The following SOS2 variants were observed in gnomAD, a reference collection of about 807,000 sequenced individuals.
SOS2 encodes the protein son of sevenless homolog 2.
Under a neutral mutation model 148.2 loss-of-function variants are expected in SOS2, and 65 were observed. That is an observed-to-expected ratio of 0.44 (90% CI 0.36 to 0.54). The LOEUF is 0.54. Among genes scored for constraint, SOS2 ranks in the 20% least tolerant of loss-of-function variants. SOS2 has a pLI of 0.00. For missense variants in SOS2, 1,341 were observed against 1,590.2 expected (o/e 0.84, Z 2.67); for synonymous variants, 539 against 537.1 (o/e 1.00, Z -0.05).
At chr14:50,221,693 C>T (rs906441395) in intron 1 of SOS2, among the ~76,000 whole-genome samples, 5 of 152,056 alleles carry the variant, frequency 3.3e-5, no homozygotes, top group African/African-American at 1.2e-4. Flanking sequence ...AAAAAATTAG[C>T]CAAGTGTGGT....
chr14:50,135,540 ATAAT>A (rs1884048171), intron 18 of SOS2, among the ~76,000 whole-genome samples: 1 of 148,438 alleles, frequency 6.7e-6, no homozygotes, highest in South Asian at 2.1e-4. Context: ...GTATTTATAT[ATAAT>A]TATTAATAAT....
rs367829144 is a variant in SOS2 at position 50,220,405 on chromosome 14, C to CAAAAAAAAAA, written c.87+10782_87+10791dup. Among the ~76,000 whole-genome samples, 24 of 30,444 alleles carry CAAAAAAAAAA rather than the reference C, an allele frequency of 7.9e-4. 7 individuals are homozygous for CAAAAAAAAAA. The highest frequency in any genetic ancestry group is 9.9e-4 in the Non-Finnish European group (18 of 18,224). 20.0% of individuals were successfully genotyped at this position (30,444 alleles called of 152,430 possible). A position where few individuals can be genotyped will look rare whatever the true frequency, so the allele number is the denominator to read the frequency against. On this transcript the variant is annotated intron_variant, in intron 1 of 22. Coordinates refer to ENST00000216373, the MANE Select transcript of SOS2 (RefSeq NM_006939.4). The stretch of plus-strand genomic sequence containing the variant: ...TGGGCGACAGAGCGAGACTCCATCT[C>CAAAAAAAAAA]AAAAAAAAAAAAAAAAAGAACAGAC...
In SOS2 at chr14:50,231,380, G is replaced by A. The variant is rs1566491108; in HGVS notation, c.-97C>T. 3.4e-6 allele frequency: 1 copy of A among 294,740 alleles called. No homozygotes were observed. The highest frequency in any genetic ancestry group is 5.1e-6 in the Non-Finnish European group (1 of 197,630). 18.3% of individuals were successfully genotyped at this position (294,740 alleles called of 1,614,324 possible). A position where few individuals can be genotyped will look rare whatever the true frequency, so the allele number is the denominator to read the frequency against. On this transcript the variant is annotated 5_prime_UTR_variant, in exon 1 of 23. Coordinates refer to ENST00000216373, the MANE Select transcript of SOS2 (RefSeq NM_006939.4). ...GGGCCGCCTCGCCTCGCCGGCGGCC[G>A]CCGCCTCCCGCCCGGGCCGAGGCTA...
intron 21 of SOS2, among the ~76,000 whole-genome samples, chr14:50,121,116 A>G (rs1452475411): frequency 6.6e-6 from 1 of 152,178 alleles, no homozygotes; most frequent in Non-Finnish European, 1.5e-5. Flanking sequence ...GGAACCCATA[A>G]GGTAGTGTTA....
intron 21 of SOS2, among the ~76,000 whole-genome samples, chr14:50,122,813 T>C (rs1253793344): frequency 1.3e-5 from 2 of 152,252 alleles, no homozygotes; most frequent in East Asian, 1.9e-4. Context: ...CTGGTGAATA[T>C]AGCAGAATTT....
At chr14:50,227,435 CAG>C (rs1239802505) in intron 1 of SOS2, among the ~76,000 whole-genome samples, 2 of 149,242 alleles carry the variant, frequency 1.3e-5, no homozygotes, top group African/African-American at 2.5e-5. Context: ...TTTTTTGAGA[CAG>C]AGTCTTACTC....
Position 50,180,648 on chromosome 14 carries a change from T to C in SOS2, c.893A>G (p.Gln298Arg). ...QAFDPYETLS[Q>R]DILSPEFHEH... ...ATGAAACTCTGGTGAAAGAATGTCCTGTGATAATGTTTCATAAGGATCAAA... is the reference window on the plus strand; with the variant it reads ...ATGAAACTCTGGTGAAAGAATGTCCCGTGATAATGTTTCATAAGGATCAAA... Residue 298 changes from glutamine to arginine, a missense_variant, in exon 7 of 23, where the codon CAG becomes CGG. Gln to Arg is a conservative substitution (Grantham distance 43, BLOSUM62 1). Transcript: ENST00000216373. The C allele has an allele frequency of 6.2e-7, 1 of 1,602,346 alleles. No homozygotes were observed.
intron 14 of SOS2, among the ~76,000 whole-genome samples, chr14:50,148,959 A>G (rs1884579301): frequency 6.6e-6 from 1 of 152,134 alleles, no homozygotes; most frequent in Admixed American, 6.6e-5. Flanking sequence ...GCAGTGGCAC[A>G]ATCTTGGCTC....
In SOS2 at chr14:50,190,509, T is replaced by C. The variant is rs550076767; in HGVS notation, c.511-1809A>G. Among the ~76,000 whole-genome samples the C allele has an allele frequency of 3.9e-5, 6 of 152,318 alleles. No individual in the cohort carries two copies. The South Asian group carries it at 1.0e-3, about 26-fold the overall frequency. On this transcript the variant is annotated intron_variant, in intron 4 of 22. Transcript: ENST00000216373. Reference sequence around the variant, plus strand: ...TAAATCTGGTCAGCTCTCTCCATCTTACCGCAGGCTTTAGATTACTCCACT... The same window carrying C: ...TAAATCTGGTCAGCTCTCTCCATCTCACCGCAGGCTTTAGATTACTCCACT...
rs1883375628 is a variant in SOS2, at chr14:50,118,422, T to C, written c.3921A>G (p.Pro1307=). The C allele has an allele frequency of 3.1e-6, 5 of 1,614,164 alleles. No individual in the cohort carries two copies. The highest frequency in any genetic ancestry group is 4.2e-6 in the Non-Finnish European group (5 of 1,180,020). ...GCGAAAGCTCCCGTTTGTAAGTCTT[T>C]GGTGGCAGTTTTGGCAGATGAGGGC... ...NSSPHLPKLP[P]KTYKRELSHP... is the part of the protein sequence containing the mutation. The change falls in exon 23 of 23, where the codon CCA becomes CCG. Residue 1307 remains proline, a synonymous_variant. Transcript: ENST00000216373.
intron 12 of SOS2, among the ~76,000 whole-genome samples, chr14:50,155,691 A>G (rs927922370): frequency 5.9e-5 from 9 of 152,168 alleles, no homozygotes; most frequent in African/African-American, 2.2e-4. Context: ...ATGACAGTCT[A>G]TGTTATTTTT....
intron 2 of SOS2, 127 bp from the exon 3 acceptor site, chr14:50,201,211 T>C: frequency 1.2e-6 from 1 of 868,828 alleles, no homozygotes; most frequent in South Asian, 1.9e-5. Context: ...ACATTCTGAT[T>C]CCTGTAATAA....
intron 20 of SOS2, 143 bp from the exon 21 acceptor site, chr14:50,130,145 C>T: frequency 3.4e-6 from 2 of 589,040 alleles, no homozygotes; most frequent in Non-Finnish European, 6.0e-6. Flanking sequence ...AAAATTAACT[C>T]AGAACCTTCT....
At chr14:50,228,083 C>T (rs1887433676) in intron 1 of SOS2, among the ~76,000 whole-genome samples, 1 of 151,096 alleles carries the variant, frequency 6.6e-6, no homozygotes, top group African/African-American at 2.4e-5. Flanking sequence ...GCTCTGTCGC[C>T]CAGGATGGAG....
intron 7 of SOS2, among the ~76,000 whole-genome samples, chr14:50,178,242 T>C (rs1387292465): frequency 6.6e-6 from 1 of 152,106 alleles, no homozygotes; most frequent in Non-Finnish European, 1.5e-5. Flanking sequence ...TTAATGCTGT[T>C]CTTGTAATAG....
intron 1 of SOS2, chr14:50,215,499 C>T (rs997618081): frequency 1.8e-5 from 22 of 1,233,014 alleles, no homozygotes; most frequent in Admixed American, 3.2e-5. Context: ...TTTTGAAAGC[C>T]TAGTCAGAAA....
chr14:50,178,786 T>G (rs1480249032), intron 7 of SOS2, among the ~76,000 whole-genome samples: 1 of 150,624 alleles, frequency 6.6e-6, no homozygotes, highest in Non-Finnish European at 1.5e-5. Context: ...TAGGCTGGAG[T>G]GTAGTGGCAC....
chr14:50,128,712 A>G (rs1229980521), intron 21 of SOS2, among the ~76,000 whole-genome samples: 5 of 152,176 alleles, frequency 3.3e-5, no homozygotes, highest in African/African-American at 1.2e-4. Flanking sequence ...AACCACTGTT[A>G]ATTTCATTTT....
chr14:50,118,656 G>A lies in SOS2; in HGVS notation c.3687C>T (p.Asn1229=). ...GAGGTGGCTGAAGATTAAATGGACAGTTTATAAAGTGTTCTGGAGGCCGAA... is the reference window on the plus strand; with the variant it reads ...GAGGTGGCTGAAGATTAAATGGACAATTTATAAAGTGTTCTGGAGGCCGAA... ...VPLRPPEHFI[N]CPFNLQPPPL... is the part of the protein sequence containing the mutation. The change falls in exon 23 of 23, where the codon AAC becomes AAT. Residue 1229 remains asparagine (N), a synonymous_variant. Transcript: ENST00000216373. 2 of 1,613,956 alleles carry A rather than the reference G, an allele frequency of 1.2e-6. No homozygotes were observed. Among genetic ancestry groups the A allele is most frequent in the Non-Finnish European group, 1.7e-6 (2 of 1,179,946 alleles).
Sources: gnomAD v4.1 joint callset for allele counts (sites outside exome capture counted in the v4.1 genomes callset) on GRCh38, gnomAD v4.1.1 for gene constraint, MANE v1.5 for transcripts, NCBI Gene and HGNC (gene_info 2026-07-23, HGNC 2026-07-21) for gene names.